Variants in TMEM135 observed in about 807,000 individuals in gnomAD.
TMEM135 encodes peroxisomal membrane protein 52.
A neutral mutation model predicts 60.3 loss-of-function variants in TMEM135; 30 were observed. The ratio of observed to expected loss-of-function variants is 0.50; its 90% confidence interval spans 0.37 to 0.68. TMEM135 has a LOEUF of 0.68. Among genes scored for constraint, TMEM135 ranks in the 30% least tolerant of loss-of-function variants. The pLI is 0.00. For missense variants in TMEM135, 468 were observed against 548.8 expected (o/e 0.85, Z 1.47); for synonymous variants, 190 against 186.7 (o/e 1.02, Z -0.14).
intron 6 of TMEM135, chr11:87,258,860 C>G (rs1298790218): frequency 1.2e-6 from 1 of 817,554 alleles, no homozygotes; most frequent in East Asian, 2.6e-5. Flanking sequence ...TAGATCTTTC[C>G]AGGAAGTGAA....
intron 3 of TMEM135, among the ~76,000 whole-genome samples, chr11:87,084,044 C>T (rs1297896619): frequency 6.6e-6 from 1 of 151,972 alleles, no homozygotes; most frequent in Admixed American, 6.6e-5. Context: ...TCCCCAGCGG[C>T]CTCTTGTGAA....
intron 6 of TMEM135, among the ~76,000 whole-genome samples, chr11:87,266,529 G>C (rs1336270355): frequency 6.6e-6 from 1 of 152,084 alleles, no homozygotes; most frequent in Non-Finnish European, 1.5e-5. Flanking sequence ...ATTCTTCAAG[G>C]ATTGGTTCTA....
rs1158059553 is a variant in TMEM135, at chr11:87,327,412, A to G, written c.*6079A>G. 4.4e-6 allele frequency: 2 copies of G among 453,978 alleles called. No individual in the cohort carries two copies. The highest frequency in any genetic ancestry group is 2.0e-5 in the African/African-American group (1 of 49,992). 28.1% of individuals were successfully genotyped at this position (453,978 alleles called of 1,614,324 possible). The stretch of plus-strand genomic sequence containing the variant: ...AGAACCTGCTTCTGTGAGCCACTGA[A>G]TGGTGCCATTAACCATCTGCATTTG... On this transcript the variant is annotated 3_prime_UTR_variant, in exon 15 of 15. Coordinates refer to ENST00000305494, the MANE Select transcript of TMEM135 (RefSeq NM_022918.4).
In TMEM135 at chr11:87,328,489, G is replaced by A. The variant is rs993215791; in HGVS notation, c.*7156G>A. 2 of 453,872 alleles carry A rather than the reference G, an allele frequency of 4.4e-6. No individual in the cohort carries two copies. The highest frequency in any genetic ancestry group is 2.0e-5 in the African/African-American group (1 of 49,950). The allele number at this position is 453,872 out of a possible 1,614,324, so 28.1% of individuals were successfully genotyped here. A position where few individuals can be genotyped will look rare whatever the true frequency, so the allele number is the denominator to read the frequency against. ...TAGTGTGCATTGTACCCAATATATA[G>A]CTTTTTATTCCTTCCCCTTCTGAGT... On this transcript the variant is annotated 3_prime_UTR_variant, in exon 15 of 15. Coordinates refer to ENST00000305494, the MANE Select transcript of TMEM135 (RefSeq NM_022918.4).
intron 7 of TMEM135, among the ~76,000 whole-genome samples, chr11:87,300,646 A>G (rs889938761): frequency 1.3e-5 from 2 of 152,194 alleles, no homozygotes; most frequent in Admixed American, 6.5e-5. Context: ...AGCTATTACT[A>G]TGTTCATTCA....
intron 4 of TMEM135, among the ~76,000 whole-genome samples, chr11:87,096,781 G>A (rs775947438): frequency 1.3e-5 from 2 of 152,174 alleles, no homozygotes; most frequent in Non-Finnish European, 2.9e-5. Flanking sequence ...CAGATCTTCT[G>A]CTTACTACAT....
chr11:87,112,414 G>A (rs776334580), intron 4 of TMEM135, among the ~76,000 whole-genome samples: 2 of 152,060 alleles, frequency 1.3e-5, no homozygotes, highest in Admixed American at 1.3e-4. Context: ...GTCATCAACC[G>A]TATTTCACAG....
At chr11:87,060,162 A>T (rs1386260091) in intron 1 of TMEM135, among the ~76,000 whole-genome samples, 1 of 152,222 alleles carries the variant, frequency 6.6e-6, no homozygotes, top group Non-Finnish European at 1.5e-5. Flanking sequence ...GACAAGGAAG[A>T]GGGTAAAGTT....
At chr11:87,187,555 C>A (rs1939682767) in intron 5 of TMEM135, among the ~76,000 whole-genome samples, 1 of 152,138 alleles carries the variant, frequency 6.6e-6, no homozygotes, top group Admixed American at 6.6e-5. Flanking sequence ...TGTGCCCTAA[C>A]AAAATGTAGT....
intron 4 of TMEM135, among the ~76,000 whole-genome samples, chr11:87,150,027 GACTAA>G (rs1938515377): frequency 6.6e-6 from 1 of 152,074 alleles, no homozygotes; most frequent in African/African-American, 2.4e-5. Flanking sequence ...CGACCAGCCT[GACTAA>G]CATGGTGAAA....
chr11:87,190,179 C>T (rs902791639), intron 5 of TMEM135, among the ~76,000 whole-genome samples: 7 of 152,110 alleles, frequency 4.6e-5, no homozygotes, highest in African/African-American at 1.7e-4. Flanking sequence ...TATAGATTTT[C>T]CTCCAGACTT....
At chr11:87,192,249 A>G (rs1478978311) in intron 5 of TMEM135, among the ~76,000 whole-genome samples, 1 of 151,282 alleles carries the variant, frequency 6.6e-6, no homozygotes, top group Non-Finnish European at 1.5e-5. Flanking sequence ...TTGGCCTCCC[A>G]AAGTGCTGGG....
intron 1 of TMEM135, among the ~76,000 whole-genome samples, chr11:87,055,021 G>A (rs557556915): frequency 1.3e-5 from 2 of 152,232 alleles, no homozygotes; most frequent in South Asian, 2.1e-4. Flanking sequence ...TGAGGGGAAC[G>A]TGGAGGTTAA....
chr11:87,189,976 T>C (rs1939758880), intron 5 of TMEM135, among the ~76,000 whole-genome samples: 1 of 152,076 alleles, frequency 6.6e-6, no homozygotes, highest in Non-Finnish European at 1.5e-5. Flanking sequence ...TAAAAAATCA[T>C]TTGGAAAGGC....
chr11:87,165,805 GT>G (rs905251869), intron 5 of TMEM135, among the ~76,000 whole-genome samples: 1 of 149,304 alleles, frequency 6.7e-6, no homozygotes, highest in African/African-American at 2.5e-5. Context: ...TCCAGGAGCT[GT>G]TTTTTTGAAA....
Position 87,263,243 on chromosome 11 carries a change from T to C in TMEM135, c.509+26559T>C, listed in dbSNP as rs554920916. ...GAGAAAATAAGGAAACTAAGATAAA[T>C]TTGTCCTATTTAATCTCTTAAATGG... On this transcript the variant is annotated intron_variant, in intron 6 of 14. Transcript: ENST00000305494. 8.5e-5 allele frequency among the ~76,000 whole-genome samples: 13 copies of C among 152,298 alleles called. No homozygotes were observed. In the South Asian group the frequency reaches 2.7e-3, roughly 32 times the overall value.
chr11:87,071,700 C>T (rs1403323952), intron 3 of TMEM135, 85 bp downstream of exon 3: 3 of 872,466 alleles, frequency 3.4e-6, no homozygotes, highest in Non-Finnish European at 3.6e-6. Context: ...TTATCACTTA[C>T]AGGGATGAGA....
At chr11:87,138,522 C>T (rs1391548261) in intron 4 of TMEM135, among the ~76,000 whole-genome samples, 3 of 152,212 alleles carry the variant, frequency 2.0e-5, no homozygotes, top group Non-Finnish European at 4.4e-5. Flanking sequence ...AGTAAATAAG[C>T]ACTTACTTGA....
At chr11:87,222,181 CA>C (rs386374401) in intron 5 of TMEM135, among the ~76,000 whole-genome samples, 3,102 of 55,286 alleles carry the variant, frequency 0.056, 75 homozygotes, top group African/African-American at 0.17. Flanking sequence ...GACTCTGTCT[CA>C]AAAAAAAAAA....
Sources: gnomAD v4.1 joint callset for allele counts (sites outside exome capture counted in the v4.1 genomes callset) on GRCh38, gnomAD v4.1.1 for gene constraint, MANE v1.5 for transcripts, NCBI Gene and HGNC (gene_info 2026-07-23, HGNC 2026-07-21) for gene names.